The following ST6GAL1 variants were observed in gnomAD, a reference collection of about 807,000 sequenced individuals.
ST6GAL1 encodes beta-galactoside alpha-2,6-sialyltransferase 1.
In ST6GAL1, 20 loss-of-function variants were observed where a neutral mutation model predicts 38.0. The ratio of observed to expected loss-of-function variants is 0.53; its 90% CI spans 0.37 to 0.77. The LOEUF (loss-of-function observed/expected upper bound fraction) is 0.77, where lower values mean the gene tolerates loss of function less well. ST6GAL1 is among the 30% of genes least tolerant of loss of function. The pLI, the probability that ST6GAL1 is intolerant of heterozygous loss-of-function variation, is 0.00. For synonymous variants in ST6GAL1, 196 were observed against 188.2 expected, an observed-to-expected ratio of 1.04 and a Z score of -0.34; for missense variants, 432 against 496.4, an observed-to-expected ratio of 0.87 and a Z score of 1.23.
At chr3:186,980,764 C>T (rs1388430738) in intron 2 of ST6GAL1, among the ~76,000 whole-genome samples, 3 of 55,098 alleles carry the variant, frequency 5.4e-5, no homozygotes, top group African/African-American at 2.0e-4. Flanking sequence ...GAGACTCCAT[C>T]TCAAAAAAAA....
At chr3:187,049,709 C>G (rs1718444707) in intron 4 of ST6GAL1, among the ~76,000 whole-genome samples, 1 of 152,182 alleles carries the variant, frequency 6.6e-6, no homozygotes, top group Non-Finnish European at 1.5e-5. Context: ...ATGAATCTCT[C>G]AATTACTCCA....
chr3:186,941,808 A>C (rs1714186832), intron 1 of ST6GAL1, among the ~76,000 whole-genome samples: 13 of 152,018 alleles, frequency 8.6e-5, no homozygotes, highest in Admixed American at 8.5e-4. Flanking sequence ...GTCAGGAGAT[A>C]GAGACCATCC....
intron 2 of ST6GAL1, among the ~76,000 whole-genome samples, chr3:186,970,711 A>G (rs1168935354): frequency 6.6e-6 from 1 of 152,208 alleles, no homozygotes; most frequent in African/African-American, 2.4e-5. Flanking sequence ...CAGGTCTACT[A>G]AAATTGTTGA....
At chr3:187,029,697 A>G (rs115727200) in intron 2 of ST6GAL1, among the ~76,000 whole-genome samples, 1,573 of 152,342 alleles carry the variant, frequency 0.01, 16 homozygotes, top group Non-Finnish European at 0.014. Flanking sequence ...TTCTCTAGCC[A>G]TGCTCAGTTG....
chr3:187,044,583 A>G (rs1376550899), intron 4 of ST6GAL1, among the ~76,000 whole-genome samples: 1 of 152,168 alleles, frequency 6.6e-6, no homozygotes, highest in Non-Finnish European at 1.5e-5. Context: ...GTTTTTGTTC[A>G]TCCATAATGG....
intron 2 of ST6GAL1, among the ~76,000 whole-genome samples, chr3:186,994,192 A>T (rs760903183): frequency 4.0e-4 from 61 of 152,216 alleles, no homozygotes; most frequent in Admixed American, 2.4e-3. Flanking sequence ...AGAGTAATTG[A>T]AATAATGCCC....
rs56166685 is a variant in ST6GAL1 at position 187,029,088 on chromosome 3, T to TAAAAAA, written c.-182-9648_-182-9643dup. 4.7e-5 allele frequency among the ~76,000 whole-genome samples: 5 copies of TAAAAAA among 105,964 alleles called. No individual in the cohort carries two copies. In the East Asian group the frequency reaches 8.9e-4, roughly 19 times the overall value. The allele number at this position is 105,964 out of a possible 152,430, so 69.5% of individuals were successfully genotyped here. A position where few individuals can be genotyped will look rare whatever the true frequency, so the allele number is the denominator to read the frequency against. Reference sequence around the variant, plus strand: ...GGGTGACAAAGCAAGACCTTGTCTCTAAAAAAAAAAAGAATTTTTCATAGG... The same window carrying TAAAAAA: ...GGGTGACAAAGCAAGACCTTGTCTCTAAAAAAAAAAAAAAAAAGAATTTTTCATAGG... On this transcript the variant is annotated intron_variant, in intron 2 of 7. Transcript: ENST00000169298.
At chr3:187,031,118 A>C (rs967448460) in intron 2 of ST6GAL1, among the ~76,000 whole-genome samples, 13 of 152,200 alleles carry the variant, frequency 8.5e-5, no homozygotes, top group Non-Finnish European at 5.9e-5. Context: ...GATGAGGGGA[A>C]GAATAGGCAC....
intron 1 of ST6GAL1, among the ~76,000 whole-genome samples, chr3:186,946,153 A>G (rs1436450206): frequency 6.6e-6 from 1 of 151,916 alleles, no homozygotes; most frequent in Non-Finnish European, 1.5e-5. Flanking sequence ...GAAAAATACA[A>G]AAATTATTTT....
At chr3:187,037,708 A>G (rs559399068) in intron 2 of ST6GAL1, among the ~76,000 whole-genome samples, 102 of 152,260 alleles carry the variant, frequency 6.7e-4, no homozygotes, top group African/African-American at 2.3e-3. Flanking sequence ...CCTCCTGAGT[A>G]ACTGGGACTA....
At chr3:186,992,607 A>G (rs1716212248) in intron 2 of ST6GAL1, among the ~76,000 whole-genome samples, 1 of 152,204 alleles carries the variant, frequency 6.6e-6, no homozygotes, top group South Asian at 2.1e-4. Context: ...CAGCCTGGCC[A>G]ACATGGTGAA....
chr3:187,026,875 C>T (rs1717556835), intron 2 of ST6GAL1, among the ~76,000 whole-genome samples: 1 of 152,068 alleles, frequency 6.6e-6, no homozygotes, highest in South Asian at 2.1e-4. Context: ...GAAACCCCAT[C>T]TCTACTAAAA....
chr3:187,000,086 C>T (rs1225451394), intron 2 of ST6GAL1, among the ~76,000 whole-genome samples: 1 of 152,118 alleles, frequency 6.6e-6, no homozygotes, highest in East Asian at 1.9e-4. Flanking sequence ...CTTGGCCTCT[C>T]AAAGTGATGG....
intron 2 of ST6GAL1, among the ~76,000 whole-genome samples, chr3:187,037,032 C>G (rs1717955168): frequency 6.6e-6 from 1 of 152,152 alleles, no homozygotes; most frequent in South Asian, 2.1e-4. Flanking sequence ...TGTGGGGAAA[C>G]TGGAGTATGT....
intron 2 of ST6GAL1, among the ~76,000 whole-genome samples, chr3:186,999,268 T>G (rs2108551481): frequency 6.6e-6 from 1 of 152,320 alleles, no homozygotes; most frequent in Non-Finnish European, 1.5e-5. Flanking sequence ...TTCAAGGTGA[T>G]AATGCATAGG....
chr3:187,003,326 A>G (rs1445058503), intron 2 of ST6GAL1, among the ~76,000 whole-genome samples: 1 of 152,176 alleles, frequency 6.6e-6, no homozygotes, highest in Non-Finnish European at 1.5e-5. Flanking sequence ...GAGAGGGGGC[A>G]ATCTGCTGTA....
chr3:187,002,204 G>T (rs1039264558), intron 2 of ST6GAL1, among the ~76,000 whole-genome samples: 1 of 152,066 alleles, frequency 6.6e-6, no homozygotes, highest in Non-Finnish European at 1.5e-5. Flanking sequence ...TTTTGGAGAT[G>T]AATGAGCTCA....
At chr3:186,988,140 G>A (rs527893744) in intron 2 of ST6GAL1, among the ~76,000 whole-genome samples, 2 of 152,172 alleles carry the variant, frequency 1.3e-5, no homozygotes, top group African/African-American at 2.4e-5. Flanking sequence ...GGTTGTGGTG[G>A]TAATTAACTT....
chr3:187,052,416 T>G (rs1718547179), intron 5 of ST6GAL1, among the ~76,000 whole-genome samples: 1 of 152,174 alleles, frequency 6.6e-6, no homozygotes, highest in Non-Finnish European at 1.5e-5. Flanking sequence ...TCATTTACAT[T>G]AGGTATTTCT....
Sources: gnomAD v4.1 joint callset for allele counts (sites outside exome capture counted in the v4.1 genomes callset) on GRCh38, gnomAD v4.1.1 for gene constraint, MANE v1.5 for transcripts, NCBI Gene and HGNC (gene_info 2026-07-23, HGNC 2026-07-21) for gene names.